ADGRG1: variants seen among roughly 807,000 people sequenced by gnomAD.
ADGRG1 encodes the protein adhesion G protein-coupled receptor G1.
ADGRG1 carries 53 observed loss-of-function variants against 73.5 expected under a neutral mutation model. The ratio of observed to expected loss-of-function variants is 0.72; its 90% CI spans 0.58 to 0.91. The LOEUF (loss-of-function observed/expected upper bound fraction) is 0.91. Among genes scored for constraint, ADGRG1 ranks in the 40% least tolerant of loss-of-function variants. The pLI is 0.00. For synonymous variants in ADGRG1, 394 were observed against 374.4 expected (o/e 1.05, Z -0.60); for missense variants, 795 against 871.8 (o/e 0.91, Z 1.11).
At chr16:57,644,720 C>CGTAT (rs1482115141) in intron 1 of ADGRG1, among the ~76,000 whole-genome samples, 1 of 61,336 alleles carries the variant, frequency 1.6e-5, no homozygotes, top group Non-Finnish European at 3.4e-5. Flanking sequence ...ACTGATCACA[C>CGTAT]GCACTGGCAC....
At chr16:57,645,272 C>T in intron 1 of ADGRG1, 1 of 985,404 alleles carries the variant, frequency 1.0e-6, no homozygotes, top group Non-Finnish European at 1.2e-6. Context: ...CAGCGAGGGC[C>T]CATTTAAGGG....
intron 3 of ADGRG1, chr16:57,652,970 C>T: frequency 7.1e-7 from 1 of 1,406,226 alleles, no homozygotes; most frequent in Non-Finnish European, 9.3e-7. Context: ...CATCCCACCC[C>T]ATCCCGCTGG....
At chr16:57,656,087 A>G (rs2045647203) in intron 7 of ADGRG1, 95 bp downstream of exon 7, 3 of 1,613,234 alleles carry the variant, frequency 1.9e-6, no homozygotes, top group Non-Finnish European at 2.5e-6. Context: ...TTATAATGAA[A>G]CGATTGCCTG....
rs1807021 is a variant in ADGRG1 at position 57,629,241 on chromosome 16, C to T, written c.-36+439C>T. 4.6e-3 allele frequency: 4,149 copies of T among 905,606 alleles called. 139 individuals are homozygous for T. In the African/African-American group the frequency reaches 0.069, roughly 15 times the overall value. 56.1% of individuals were successfully genotyped at this position (905,606 alleles called of 1,614,324 possible). On this transcript the variant is annotated intron_variant, in intron 1 of 13. Transcript: ENST00000562631. ...TGTGGGTGGGTCTCTAGAGTGGGGGCGGACCCACAAGGAGATGCCTGGGAG... is the reference window on the plus strand; with the variant it reads ...TGTGGGTGGGTCTCTAGAGTGGGGGTGGACCCACAAGGAGATGCCTGGGAG...
upstream of ADGRG1, chr16:57,622,757 T>C: frequency 1.0e-6 from 1 of 985,268 alleles, no homozygotes; most frequent in Non-Finnish European, 1.2e-6. Context: ...CATTCCGTCA[T>C]GCTTAGGAAG....
At chr16:57,642,572 CT>C (rs1294383908) in intron 1 of ADGRG1, 1 of 968,514 alleles carries the variant, frequency 1.0e-6, no homozygotes, top group East Asian at 1.1e-4. Flanking sequence ...TTATGGGTTT[CT>C]TTCCTGCAGG....
intron 1 of ADGRG1, chr16:57,647,941 C>T (rs188601795): frequency 3.7e-5 from 7 of 187,074 alleles, no homozygotes; most frequent in East Asian, 3.8e-4. Flanking sequence ...GCTGAAGTGA[C>T]ACGGTGGTTC....
intron 1 of ADGRG1, chr16:57,631,569 C>T: frequency 3.0e-6 from 3 of 985,566 alleles, no homozygotes; most frequent in Non-Finnish European, 3.6e-6. Context: ...GCCCCCGTCC[C>T]CATGCTGGGG....
intron 1 of ADGRG1, chr16:57,645,400 T>G: frequency 1.2e-6 from 1 of 807,356 alleles, no homozygotes; most frequent in Non-Finnish European, 1.4e-6. Context: ...ATGCCTGCCC[T>G]TCTCCTGATG....
chr16:57,626,677 C>T (rs951555259), upstream of ADGRG1: 15 of 985,358 alleles, frequency 1.5e-5, no homozygotes, highest in African/African-American at 2.4e-4. Flanking sequence ...CTTCAACTCT[C>T]CATCTGTGCC....
In ADGRG1 at chr16:57,650,331, G is replaced by A. The variant is rs144515150; in HGVS notation, c.44G>A (p.Ser15Asn). 2.5e-6 allele frequency: 4 copies of A among 1,613,318 alleles called. No individual in the cohort carries two copies. The highest frequency in any genetic ancestry group is 2.7e-5 in the African/African-American group (2 of 75,040). ...SLLQTTLFLL[S>N]LLFLVQGAHG... ...CTGCAGACGACACTGTTCCTGCTGA[G>A]TCTGCTCTTCCTGGTCCAAGGCAGG... is the stretch of plus-strand genomic sequence containing the variant. The change falls in exon 2 of 14, where the codon AGT becomes AAT. Residue 15 changes from serine to asparagine, a missense_variant. Ser to Asn is a conservative substitution (Grantham distance 46). Transcript: ENST00000562631.
At chr16:57,649,931 C>G (rs1236756043) in intron 1 of ADGRG1, 2 of 154,774 alleles carry the variant, frequency 1.3e-5, no homozygotes, top group Non-Finnish European at 2.8e-5. Context: ...GCATACACCG[C>G]CATGCCTGGC....
intron 1 of ADGRG1, chr16:57,643,513 G>A (rs2041377794): frequency 1.0e-6 from 1 of 961,064 alleles, no homozygotes; most frequent in Non-Finnish European, 1.2e-6. Flanking sequence ...CAAGCACTTG[G>A]TTGGACCAGA....
At chr16:57,642,109 C>T (rs954654995) in intron 1 of ADGRG1, 7 of 985,390 alleles carry the variant, frequency 7.1e-6, no homozygotes, top group Non-Finnish European at 8.4e-6. Flanking sequence ...CTTGCATCTT[C>T]ATATTCTTTC....
intron 10 of ADGRG1, 52 bp downstream of exon 10, chr16:57,657,543 C>T (rs1420420139): frequency 7.5e-7 from 1 of 1,329,024 alleles, no homozygotes; most frequent in Non-Finnish European, 1.1e-6. Flanking sequence ...TTGCACACAC[C>T]TCCACCAGGG....
upstream of ADGRG1, chr16:57,623,856 G>A: frequency 1.0e-6 from 1 of 983,176 alleles, no homozygotes; most frequent in Non-Finnish European, 1.2e-6. Flanking sequence ...AGGTGGCTGG[G>A]AACATTGGCC....
chr16:57,625,118 T>C (rs1179443494), upstream of ADGRG1, among the ~76,000 whole-genome samples: 1 of 151,814 alleles, frequency 6.6e-6, no homozygotes, highest in Non-Finnish European at 1.5e-5. Context: ...ACGAAGGGTT[T>C]CCTGCACCTT....
chr16:57,663,402 A>G (rs1196276708), intron 13 of ADGRG1, 50 bp from the exon 14 acceptor site: 3 of 1,589,622 alleles, frequency 1.9e-6, no homozygotes, highest in Non-Finnish European at 2.6e-6. Context: ...AGGAGGAGGG[A>G]TGGGGTGGGG....
intron 1 of ADGRG1, among the ~76,000 whole-genome samples, chr16:57,644,627 CAT>C (rs1158356003): frequency 1.4e-5 from 2 of 145,860 alleles, no homozygotes; most frequent in Admixed American, 6.8e-5. Context: ...TGCGCACACA[CAT>C]GCACACTCAT....
Sources: gnomAD v4.1 joint callset for allele counts (sites outside exome capture counted in the v4.1 genomes callset) on GRCh38, gnomAD v4.1.1 for gene constraint, MANE v1.5 for transcripts, NCBI Gene and HGNC (gene_info 2026-07-23, HGNC 2026-07-21) for gene names.